Variants in ZHX2 observed in about 807,000 individuals in gnomAD.
ZHX2 encodes zinc fingers and homeoboxes protein 2.
In ZHX2, 6 loss-of-function variants were observed where a neutral mutation model predicts 21.9. That is an observed-to-expected ratio of 0.27 (90% CI 0.15 to 0.54). The LOEUF (loss-of-function observed/expected upper bound fraction) is 0.54, where lower values mean the gene tolerates loss of function less well. Among genes scored for constraint, ZHX2 ranks in the 20% least tolerant of loss-of-function variants. The pLI is 0.95. For missense variants in ZHX2, 908 were observed against 1,090.7 expected (o/e 0.83, Z 2.36); for synonymous variants, 434 against 437.1 (o/e 0.99, Z 0.09).
At chr8:122,855,759 A>C (rs889945234) in intron 1 of ZHX2, among the ~76,000 whole-genome samples, 1 of 152,190 alleles carries the variant, frequency 6.6e-6, no homozygotes, top group Admixed American at 6.5e-5. Context: ...AAAACATTTA[A>C]TAAAGGGTTT....
chr8:122,811,011 T>C (rs979516463), intron 1 of ZHX2, among the ~76,000 whole-genome samples: 7 of 152,144 alleles, frequency 4.6e-5, no homozygotes, highest in African/African-American at 1.7e-4. Context: ...GGTCAGTAAA[T>C]GGCAGAGCCC....
chr8:122,945,274 G>A (rs1321716494), intron 2 of ZHX2, among the ~76,000 whole-genome samples: 1 of 152,042 alleles, frequency 6.6e-6, no homozygotes, highest in African/African-American at 2.4e-5. Context: ...TACTCAGTAA[G>A]CAAGGGTCTA....
intron 3 of ZHX2, among the ~76,000 whole-genome samples, chr8:122,968,199 T>A (rs1813630778): frequency 6.6e-6 from 1 of 152,178 alleles, no homozygotes. Flanking sequence ...TAAATTCCCC[T>A]GGCCAATATG....
At chr8:122,856,421 C>T (rs1819023822) in intron 1 of ZHX2, among the ~76,000 whole-genome samples, 1 of 152,028 alleles carries the variant, frequency 6.6e-6, no homozygotes, top group Non-Finnish European at 1.5e-5. Context: ...TTATGGAGAA[C>T]CCAGTTCCCC....
At chr8:122,912,575 A>G (rs1040201532) in intron 2 of ZHX2, among the ~76,000 whole-genome samples, 1 of 152,208 alleles carries the variant, frequency 6.6e-6, no homozygotes, top group Non-Finnish European at 1.5e-5. Flanking sequence ...ACTGCCCTTT[A>G]GACAGCACTT....
intron 2 of ZHX2, among the ~76,000 whole-genome samples, chr8:122,882,314 C>CACAG (rs1554630716): frequency 1.3e-5 from 2 of 148,272 alleles, no homozygotes; most frequent in Admixed American, 1.3e-4. Context: ...CACACACACA[C>CACAG]AGAGAGAGAG....
Position 122,862,156 on chromosome 8 carries a change from C to A in ZHX2, c.-282-1321C>A, listed in dbSNP as rs527624494. ...GCCCGATACCCGAGGCCACCACTCA[C>A]TTCCAGGACTCCAGTCACCCACCAC... On this transcript the variant is annotated intron_variant, in intron 1 of 3. Transcript: ENST00000314393. 3.4e-3 allele frequency among the ~76,000 whole-genome samples: 511 copies of A among 152,292 alleles called. 2 individuals carry two copies. Among genetic ancestry groups the A allele is most frequent in the African/African-American group, 0.012 (497 of 41,548 alleles).
chr8:122,903,503 T>C (rs1453579982), intron 2 of ZHX2, among the ~76,000 whole-genome samples: 1 of 152,160 alleles, frequency 6.6e-6, no homozygotes, highest in Non-Finnish European at 1.5e-5. Flanking sequence ...CATTGAGAAA[T>C]GGGTCTTGTG....
intron 1 of ZHX2, chr8:122,809,013 C>G (rs1280815311): frequency 6.6e-6 from 1 of 152,128 alleles, no homozygotes; most frequent in African/African-American, 2.4e-5. Context: ...TTGCAACCTC[C>G]TAACAGAGAT....
intron 3 of ZHX2, among the ~76,000 whole-genome samples, chr8:122,963,732 A>G (rs1813513503): frequency 6.6e-6 from 1 of 152,112 alleles, no homozygotes; most frequent in Admixed American, 6.5e-5. Context: ...CATTTTCACA[A>G]TATTAATTCT....
intron 1 of ZHX2, among the ~76,000 whole-genome samples, chr8:122,788,026 C>T (rs543426336): frequency 6.6e-6 from 1 of 152,282 alleles, no homozygotes; most frequent in Admixed American, 6.5e-5. Context: ...CTGGTTCACT[C>T]TGGCTGGTGA....
chr8:122,858,921 A>G (rs1819100281), intron 1 of ZHX2, among the ~76,000 whole-genome samples: 2 of 152,156 alleles, frequency 1.3e-5, no homozygotes, highest in African/African-American at 2.4e-5. Flanking sequence ...GATTACAGGC[A>G]TGAGCCACCA....
chr8:122,819,091 C>T (rs909730900), intron 1 of ZHX2, among the ~76,000 whole-genome samples: 2 of 152,176 alleles, frequency 1.3e-5, no homozygotes, highest in Non-Finnish European at 2.9e-5. Flanking sequence ...CTGCAAGGAG[C>T]TGAAGGCCTT....
At chr8:122,812,400 A>G (rs933847886) in intron 1 of ZHX2, among the ~76,000 whole-genome samples, 2 of 152,220 alleles carry the variant, frequency 1.3e-5, no homozygotes, top group Non-Finnish European at 2.9e-5. Context: ...GCACTGAGAT[A>G]CATTGCCAAA....
intron 2 of ZHX2, among the ~76,000 whole-genome samples, chr8:122,885,422 G>C (rs1316168508): frequency 6.6e-6 from 1 of 151,966 alleles, no homozygotes; most frequent in Admixed American, 6.6e-5. Context: ...GGAGCCATCG[G>C]GACGGTGGAC....
At chr8:122,872,347 A>G (rs1200470763) in intron 2 of ZHX2, among the ~76,000 whole-genome samples, 1 of 152,194 alleles carries the variant, frequency 6.6e-6, no homozygotes. Context: ...CTTTGCCCTC[A>G]TGGACTAGAT....
At chr8:122,834,560 T>C (rs1818455369) in intron 1 of ZHX2, among the ~76,000 whole-genome samples, 1 of 152,244 alleles carries the variant, frequency 6.6e-6, no homozygotes, top group South Asian at 2.1e-4. Flanking sequence ...AAACTCTGCC[T>C]GTTTTTGCCT....
chr8:122,834,104 G>T (rs1818445721), intron 1 of ZHX2, among the ~76,000 whole-genome samples: 1 of 152,202 alleles, frequency 6.6e-6, no homozygotes, highest in Non-Finnish European at 1.5e-5. Flanking sequence ...CGGAGACTTG[G>T]GAGGACTGGG....
intron 2 of ZHX2, among the ~76,000 whole-genome samples, chr8:122,921,070 G>A (rs7838014): frequency 2.0e-5 from 3 of 151,738 alleles, no homozygotes; most frequent in African/African-American, 7.2e-5. Context: ...TTTTTTTTTG[G>A]TTTTGTTTTT....
Sources: allele counts gnomAD v4.1 joint callset (sites outside exome capture counted in the v4.1 genomes callset), GRCh38; gene constraint gnomAD v4.1.1; transcripts MANE v1.5; gene names NCBI Gene and HGNC (gene_info 2026-07-23, HGNC 2026-07-21).